The following HDAC9 variants were observed in gnomAD, a reference collection of about 807,000 sequenced individuals.
HDAC9 encodes the protein histone deacetylase 9.
Under a neutral mutation model 139.4 loss-of-function variants are expected in HDAC9, and 41 were observed. The observed-to-expected ratio is 0.29, with a 90% CI of 0.23 to 0.38. HDAC9 has a LOEUF of 0.38. HDAC9 is among the 10% of genes least tolerant of loss of function. The pLI is 1.00. For synonymous variants in HDAC9, 517 were observed against 476.2 expected, an observed-to-expected ratio of 1.09 and a Z score of -1.12; for missense variants, 1,147 against 1,297.0, an observed-to-expected ratio of 0.88 and a Z score of 1.78.
intron 2 of HDAC9, among the ~76,000 whole-genome samples, chr7:18,538,347 T>C (rs1265274413): frequency 2.6e-5 from 4 of 152,232 alleles, no homozygotes; most frequent in African/African-American, 9.6e-5. Flanking sequence ...TATGGTGGTA[T>C]GTTAAGGAGT....
chr7:18,911,473 C>T (rs925518720), intron 22 of HDAC9, among the ~76,000 whole-genome samples: 3 of 151,500 alleles, frequency 2.0e-5, no homozygotes, highest in African/African-American at 7.3e-5. Context: ...AAAAACTTTT[C>T]ATTTTGTTCA....
chr7:18,634,975 T>C (rs1047861563), intron 8 of HDAC9, among the ~76,000 whole-genome samples: 7 of 152,054 alleles, frequency 4.6e-5, no homozygotes, highest in Non-Finnish European at 1.0e-4. Flanking sequence ...TAAATAAATA[T>C]CAATTTTTTT....
At chr7:18,896,749 A>T (rs1276761928) in intron 22 of HDAC9, among the ~76,000 whole-genome samples, 1 of 152,112 alleles carries the variant, frequency 6.6e-6, no homozygotes, top group Non-Finnish European at 1.5e-5. Context: ...TTTGTTAAAG[A>T]TAGTGACATC....
chr7:18,701,798 T>C (rs774651791), intron 12 of HDAC9, among the ~76,000 whole-genome samples: 2 of 152,244 alleles, frequency 1.3e-5, no homozygotes, highest in Non-Finnish European at 2.9e-5. Flanking sequence ...CTTGTACATA[T>C]GATTTCCCAT....
intron 12 of HDAC9, among the ~76,000 whole-genome samples, chr7:18,689,949 T>G (rs1330756150): frequency 6.6e-6 from 1 of 152,036 alleles, no homozygotes; most frequent in African/African-American, 2.4e-5. Context: ...GTGTAGAAGG[T>G]ATTCTTCCAT....
At chr7:18,870,887 C>G (rs544999657) in intron 21 of HDAC9, among the ~76,000 whole-genome samples, 2 of 151,994 alleles carry the variant, frequency 1.3e-5, no homozygotes, top group Non-Finnish European at 2.9e-5. Flanking sequence ...AGGGTGGAAC[C>G]CCTAGGCTCA....
chr7:18,495,783 C>T lies in HDAC9; in HGVS notation c.-282C>T, dbSNP rs528029376. On this transcript the variant is annotated 5_prime_UTR_variant, in exon 1 of 26. Transcript: ENST00000686413. ...CACAGACACAGATAGGAGAAGGGCA[C>T]CGGCTGGAGCCACTTGCAGGACTGA... is the stretch of plus-strand genomic sequence containing the variant. The T allele has an allele frequency of 4.0e-6, 4 of 997,116 alleles. No individual in the cohort carries two copies. In the South Asian group the frequency reaches 1.4e-4, roughly 35 times the overall value. The allele number at this position is 997,116 out of a possible 1,614,324, so 61.8% of individuals were successfully genotyped here.
At chr7:18,176,291 C>T (rs1788896583) in intron 2 of HDAC9, among the ~76,000 whole-genome samples, 1 of 152,054 alleles carries the variant, frequency 6.6e-6, no homozygotes, top group Admixed American at 6.6e-5. Context: ...TCTGAAGATC[C>T]AGGAATGCCG....
intron 22 of HDAC9, among the ~76,000 whole-genome samples, chr7:18,901,217 T>C (rs1003041353): frequency 0.031 from 3,997 of 130,158 alleles, 179 homozygotes; most frequent in African/African-American, 0.12. Flanking sequence ...CATATATATA[T>C]ATATACACAC....
upstream of HDAC9, among the ~76,000 whole-genome samples, chr7:18,494,299 C>T (rs1383162539): frequency 1.3e-5 from 2 of 151,984 alleles, no homozygotes; most frequent in South Asian, 2.1e-4. Context: ...AATGATTTAA[C>T]GTGCTTATTT....
intron 21 of HDAC9, among the ~76,000 whole-genome samples, chr7:18,847,381 A>G (rs992841835): frequency 1.3e-5 from 2 of 151,714 alleles, no homozygotes; most frequent in African/African-American, 4.8e-5. Context: ...GAGAACGTTT[A>G]TTTTTAAGGA....
chr7:18,776,311 T>A (rs953323594), intron 16 of HDAC9, among the ~76,000 whole-genome samples: 2 of 152,034 alleles, frequency 1.3e-5, no homozygotes, highest in Non-Finnish European at 2.9e-5. Context: ...ATAGCAAATG[T>A]GGAAGAAGTT....
At chr7:18,964,426 G>A (rs1783719009) in intron 24 of HDAC9, among the ~76,000 whole-genome samples, 1 of 152,058 alleles carries the variant, frequency 6.6e-6, no homozygotes, top group Non-Finnish European at 1.5e-5. Context: ...TGTGAGACAT[G>A]TACTCATAGA....
At chr7:18,493,585 G>A (rs77149251), upstream of HDAC9, among the ~76,000 whole-genome samples, 1,521 of 151,870 alleles carry the variant, frequency 0.01, 30 homozygotes, top group African/African-American at 0.035. Flanking sequence ...AATATAAGAA[G>A]TTCTTGTTCT....
intron 19 of HDAC9, among the ~76,000 whole-genome samples, chr7:18,831,507 T>A (rs1795853937): frequency 6.6e-6 from 1 of 152,172 alleles, no homozygotes; most frequent in Non-Finnish European, 1.5e-5. Flanking sequence ...AGGATACTGA[T>A]TTCCCAACAG....
At chr7:18,438,757 A>G (rs1294905313) in intron 1 of HDAC9, among the ~76,000 whole-genome samples, 2 of 152,018 alleles carry the variant, frequency 1.3e-5, no homozygotes, top group African/African-American at 2.4e-5. Context: ...GATATACAGA[A>G]AAGTGTTAAT....
intron 1 of HDAC9, among the ~76,000 whole-genome samples, chr7:18,371,126 A>G (rs1052897009): frequency 2.6e-5 from 4 of 152,208 alleles, no homozygotes; most frequent in African/African-American, 7.2e-5. Flanking sequence ...GGTAGGCTGC[A>G]TACTTCAGAA....
chr7:18,513,202 T>A lies in HDAC9; in HGVS notation c.22+16878T>A, dbSNP rs374271820. 3.3e-5 allele frequency among the ~76,000 whole-genome samples: 5 copies of A among 152,312 alleles called. No individual in the cohort carries two copies. In the East Asian group the frequency reaches 7.7e-4, roughly 23 times the overall value. On this transcript the variant is annotated intron_variant, in intron 2 of 25. Transcript: ENST00000686413. ...GTATTGTATCATGCATGTAGGATCT[T>A]GCATTGTATAGAGGGACCGGAAGGA... is the stretch of plus-strand genomic sequence containing the variant.
intron 24 of HDAC9, among the ~76,000 whole-genome samples, chr7:18,962,869 C>A (rs1269656417): frequency 6.6e-6 from 1 of 152,128 alleles, no homozygotes; most frequent in African/African-American, 2.4e-5. Flanking sequence ...TGAGACTTAT[C>A]AAGTTTAGGT....
Sources: gnomAD v4.1 joint callset for allele counts (sites outside exome capture counted in the v4.1 genomes callset) on GRCh38, gnomAD v4.1.1 for gene constraint, MANE v1.5 for transcripts, NCBI Gene and HGNC (gene_info 2026-07-23, HGNC 2026-07-21) for gene names.